Variants in SLC8A1 observed in about 807,000 individuals in gnomAD.
SLC8A1 encodes sodium/calcium exchanger 1.
SLC8A1 carries 18 observed loss-of-function variants against 68.3 expected under a neutral mutation model. The ratio of observed to expected loss-of-function variants is 0.26; its 90% confidence interval spans 0.18 to 0.39. The LOEUF is 0.39. Ranked by LOEUF, SLC8A1 falls within the 10% of genes least tolerant of loss-of-function variation. The pLI, the probability that SLC8A1 is intolerant of heterozygous loss-of-function variation, is 1.00. For missense variants in SLC8A1, 985 were observed against 1,156.7 expected (o/e 0.85, Z 2.15); for synonymous variants, 475 against 415.5 (o/e 1.14, Z -1.74).
At chr2:40,169,393 A>G (rs1241881694) in intron 4 of SLC8A1, among the ~76,000 whole-genome samples, 3 of 152,178 alleles carry the variant, frequency 2.0e-5, no homozygotes, top group African/African-American at 7.2e-5. Context: ...AATTTTTAGC[A>G]TGTGGCTGGC....
chr2:40,422,377 A>G (rs753259572), intron 2 of SLC8A1, among the ~76,000 whole-genome samples: 1 of 152,146 alleles, frequency 6.6e-6, no homozygotes, highest in Non-Finnish European at 1.5e-5. Flanking sequence ...CCTATAGGCA[A>G]TTTTCCACAT....
At chr2:40,479,649 C>G (rs1210903681) in intron 1 of SLC8A1, among the ~76,000 whole-genome samples, 1 of 152,124 alleles carries the variant, frequency 6.6e-6, no homozygotes, top group African/African-American at 2.4e-5. Context: ...ATGCTCCTAT[C>G]TGTTAAAATA....
At chr2:40,443,096 G>C (rs1028173288) in intron 1 of SLC8A1, among the ~76,000 whole-genome samples, 1 of 152,012 alleles carries the variant, frequency 6.6e-6, no homozygotes, top group African/African-American at 2.4e-5. Flanking sequence ...ACACACTGGG[G>C]CTTTCTGAGG....
intron 2 of SLC8A1, among the ~76,000 whole-genome samples, chr2:40,340,154 A>T (rs533015000): frequency 6.6e-6 from 1 of 152,352 alleles, no homozygotes; most frequent in African/African-American, 2.4e-5. Flanking sequence ...TTTGGAGATC[A>T]AAAATGGTGG....
At chr2:40,201,947 G>C (rs929684451) in intron 2 of SLC8A1, among the ~76,000 whole-genome samples, 10 of 151,940 alleles carry the variant, frequency 6.6e-5, no homozygotes, top group African/African-American at 2.4e-4. Flanking sequence ...GCACATGGAG[G>C]ATTTCAACAC....
At chr2:40,410,672 T>G (rs1336020897) in intron 2 of SLC8A1, among the ~76,000 whole-genome samples, 1 of 152,150 alleles carries the variant, frequency 6.6e-6, no homozygotes, top group Non-Finnish European at 1.5e-5. Context: ...ACGTATGCAT[T>G]ACTTCACAGT....
intron 3 of SLC8A1, chr2:40,175,896 A>T: frequency 2.6e-6 from 1 of 382,696 alleles, no homozygotes; most frequent in Non-Finnish European, 5.2e-6. Context: ...CTTATGTTTT[A>T]AAATCCTTAA....
chr2:40,227,087 T>G (rs2059077854), intron 2 of SLC8A1, among the ~76,000 whole-genome samples: 1 of 152,146 alleles, frequency 6.6e-6, no homozygotes, highest in South Asian at 2.1e-4. Flanking sequence ...GGGATTTTCT[T>G]GATTATTCTG....
At chr2:40,372,164 C>T (rs1458809801) in intron 2 of SLC8A1, among the ~76,000 whole-genome samples, 2 of 152,018 alleles carry the variant, frequency 1.3e-5, no homozygotes, top group Admixed American at 1.3e-4. Flanking sequence ...CTAGACTTTC[C>T]TCTAAGAATC....
chr2:40,458,360 G>T (rs891081325), intron 1 of SLC8A1, among the ~76,000 whole-genome samples: 5 of 151,972 alleles, frequency 3.3e-5, no homozygotes, highest in Admixed American at 1.3e-4. Context: ...TTACTATGGG[G>T]CCCCCTTCTA....
At chr2:40,270,910 G>A (rs1483655830) in intron 2 of SLC8A1, among the ~76,000 whole-genome samples, 7 of 152,136 alleles carry the variant, frequency 4.6e-5, no homozygotes, top group Non-Finnish European at 1.0e-4. Context: ...CCTTGAGGGA[G>A]TTCCGGCTGG....
chr2:40,248,008 G>T (rs1327245556), intron 2 of SLC8A1, among the ~76,000 whole-genome samples: 1 of 152,172 alleles, frequency 6.6e-6, no homozygotes, highest in Non-Finnish European at 1.5e-5. Flanking sequence ...GTGATGTTAG[G>T]TAGTGATTCT....
In SLC8A1 at chr2:40,282,923, G is replaced by C. The variant is rs550987725; in HGVS notation, c.1809-105068C>G. Among the ~76,000 whole-genome samples, 10 of 152,280 alleles carry C rather than the reference G, an allele frequency of 6.6e-5. No individual in the cohort carries two copies. The South Asian group carries it at 1.5e-3, about 22-fold the overall frequency. Reference sequence around the variant, plus strand: ...GGTTAGCCTTATCATTTATTCGTCTGTATAGTGATGGCCTGTGCTAATGCC... The same window carrying C: ...GGTTAGCCTTATCATTTATTCGTCTCTATAGTGATGGCCTGTGCTAATGCC... On this transcript the variant is annotated intron_variant, in intron 2 of 7. Coordinates refer to ENST00000406785, the Ensembl canonical transcript of SLC8A1.
intron 1 of SLC8A1, among the ~76,000 whole-genome samples, chr2:40,483,108 G>C (rs1704747760): frequency 6.6e-6 from 1 of 151,844 alleles, no homozygotes; most frequent in Non-Finnish European, 1.5e-5. Flanking sequence ...CCGGCCCACA[G>C]TTAGCACTCT....
intron 2 of SLC8A1, among the ~76,000 whole-genome samples, chr2:40,387,881 G>T (rs1684067297): frequency 6.9e-6 from 1 of 145,174 alleles, no homozygotes. Context: ...AGGCTGCAGT[G>T]AGCCGAAATC....
intron 2 of SLC8A1, among the ~76,000 whole-genome samples, chr2:40,193,767 G>C (rs439960): frequency 0.12 from 17,682 of 152,066 alleles, 1,161 homozygotes; most frequent in Middle Eastern, 0.2. Flanking sequence ...AGAGGGGGCA[G>C]GGAAGCAGAT....
At chr2:40,244,927 A>G (rs549933938) in intron 2 of SLC8A1, among the ~76,000 whole-genome samples, 5 of 152,288 alleles carry the variant, frequency 3.3e-5, no homozygotes, top group Middle Eastern at 3.4e-3. Flanking sequence ...TTCTCTGGAA[A>G]AGGTCTGCTG....
At chr2:40,244,500 A>C (rs1478092184) in intron 2 of SLC8A1, among the ~76,000 whole-genome samples, 3 of 147,904 alleles carry the variant, frequency 2.0e-5, no homozygotes, top group South Asian at 4.3e-4. Flanking sequence ...TTTCCCTGGC[A>C]GTTGCTGTGA....
At chr2:40,343,966 G>A (rs541769064) in intron 2 of SLC8A1, among the ~76,000 whole-genome samples, 21 of 152,224 alleles carry the variant, frequency 1.4e-4, no homozygotes, top group Non-Finnish European at 2.5e-4. Context: ...GCCAGTACCC[G>A]CATCAGGTAC....
Sources: gnomAD v4.1 joint callset for allele counts (sites outside exome capture counted in the v4.1 genomes callset) on GRCh38, gnomAD v4.1.1 for gene constraint, MANE v1.5 for transcripts, NCBI Gene and HGNC (gene_info 2026-07-23, HGNC 2026-07-21) for gene names.